The following PTPRK variants were observed in gnomAD, a reference collection of about 807,000 sequenced individuals.
The protein encoded by PTPRK is receptor-type tyrosine-protein phosphatase kappa.
A neutral mutation model predicts 178.0 loss-of-function variants in PTPRK; 75 were observed. The ratio of observed to expected loss-of-function variants is 0.42; its 90% CI spans 0.35 to 0.51. The LOEUF (loss-of-function observed/expected upper bound fraction) is 0.51, where lower values mean the gene tolerates loss of function less well. Ranked by LOEUF, PTPRK falls within the 20% of genes least tolerant of loss-of-function variation. PTPRK has a pLI of 0.02. For synonymous variants in PTPRK, 637 were observed against 620.6 expected, an observed-to-expected ratio of 1.03 and a Z score of -0.39; for missense variants, 1,441 against 1,797.8, an observed-to-expected ratio of 0.80 and a Z score of 3.59.
intron 2 of PTPRK, among the ~76,000 whole-genome samples, chr6:128,371,715 C>A (rs1836314330): frequency 2.0e-5 from 3 of 152,058 alleles, no homozygotes; most frequent in Non-Finnish European, 4.4e-5. Context: ...CTCAAGAAAG[C>A]AAGGCCAAAT....
chr6:127,983,024 T>C (rs773657099), intron 23 of PTPRK, 44 bp from the exon 24 acceptor site: 2 of 1,555,508 alleles, frequency 1.3e-6, no homozygotes, highest in Non-Finnish European at 1.8e-6. Flanking sequence ...AGTTTTAGTA[T>C]CACTTTTCTG....
In PTPRK at chr6:128,520,593, T is replaced by C. The variant is rs1262113027; in HGVS notation, c.-235A>G. 5.8e-6 allele frequency: 3 copies of C among 513,850 alleles called. No homozygotes were observed. The highest frequency in any genetic ancestry group is 1.1e-5 in the Non-Finnish European group (3 of 284,832). 31.8% of individuals were successfully genotyped at this position (513,850 alleles called of 1,614,324 possible). ...CTCCATGCTCGGCGGAGGCTGCTCC[T>C]GTTAGTCAAGAGTTACTTTGCTCGG... On this transcript the variant is annotated 5_prime_UTR_variant, in exon 1 of 30. Transcript: ENST00000368226.
At chr6:128,298,651 C>T (rs375522036) in intron 3 of PTPRK, among the ~76,000 whole-genome samples, 2 of 151,982 alleles carry the variant, frequency 1.3e-5, no homozygotes, top group East Asian at 1.9e-4. Flanking sequence ...CAGAAAAGGC[C>T]GTTGACAAAA....
chr6:128,113,156 C>A (rs1162690626), intron 7 of PTPRK, among the ~76,000 whole-genome samples: 1 of 151,956 alleles, frequency 6.6e-6, no homozygotes. Flanking sequence ...CCCTTTGTTT[C>A]TAATTACACC....
At chr6:128,321,861 T>C (rs111267082) in intron 3 of PTPRK, 178 bp downstream of exon 3, 16 of 823,352 alleles carry the variant, frequency 1.9e-5, no homozygotes, top group African/African-American at 1.7e-4. Flanking sequence ...AGGGGCAATC[T>C]CTCATTACCA....
intron 5 of PTPRK, among the ~76,000 whole-genome samples, chr6:128,220,812 T>C (rs143703759): frequency 1.2e-4 from 18 of 152,254 alleles, no homozygotes; most frequent in African/African-American, 4.3e-4. Flanking sequence ...GATGGGACAG[T>C]TAAACTAGGC....
intron 1 of PTPRK, among the ~76,000 whole-genome samples, chr6:128,472,980 T>C (rs1850897975): frequency 6.6e-6 from 1 of 152,104 alleles, no homozygotes; most frequent in East Asian, 1.9e-4. Flanking sequence ...GTATTTCTTC[T>C]TTTATTTTAA....
intron 8 of PTPRK, among the ~76,000 whole-genome samples, chr6:128,085,517 A>C (rs1785619014): frequency 6.6e-6 from 1 of 152,232 alleles, no homozygotes. Context: ...ATAAATGTTG[A>C]TTTGATGGCA....
chr6:128,012,314 T>G (rs1779145220), intron 13 of PTPRK, among the ~76,000 whole-genome samples: 1 of 151,308 alleles, frequency 6.6e-6, no homozygotes, highest in Admixed American at 6.6e-5. Flanking sequence ...ATATCCTATT[T>G]AAAATCATTC....
intron 7 of PTPRK, among the ~76,000 whole-genome samples, chr6:128,099,161 G>A (rs1159041018): frequency 2.7e-5 from 4 of 149,492 alleles, no homozygotes; most frequent in African/African-American, 9.8e-5. Context: ...GACTGAATAG[G>A]ACAGAAAATA....
chr6:128,171,879 A>AATATGTTTCT (rs1245967097), intron 7 of PTPRK, among the ~76,000 whole-genome samples: 1 of 151,940 alleles, frequency 6.6e-6, no homozygotes, highest in East Asian at 1.9e-4. Flanking sequence ...TTCAGTCAAA[A>AATATGTTTCT]ATATGTTTCT....
At chr6:128,011,568 T>C (rs966491221) in intron 13 of PTPRK, among the ~76,000 whole-genome samples, 4 of 151,136 alleles carry the variant, frequency 2.6e-5, no homozygotes, top group Non-Finnish European at 4.5e-5. Flanking sequence ...AAATATAATA[T>C]ATATAATGTA....
At chr6:128,125,234 T>A (rs1034732082) in intron 7 of PTPRK, among the ~76,000 whole-genome samples, 4 of 152,220 alleles carry the variant, frequency 2.6e-5, no homozygotes, top group Non-Finnish European at 5.9e-5. Flanking sequence ...ATCCCCAATG[T>A]AGGAGGTGGG....
intron 13 of PTPRK, among the ~76,000 whole-genome samples, chr6:128,028,571 T>G (rs1774725948): frequency 6.6e-6 from 1 of 152,232 alleles, no homozygotes; most frequent in Non-Finnish European, 1.5e-5. Flanking sequence ...GGATATGGTC[T>G]CTGGTTTTTC....
intron 3 of PTPRK, among the ~76,000 whole-genome samples, chr6:128,309,681 G>C (rs890793873): frequency 6.6e-6 from 1 of 152,124 alleles, no homozygotes; most frequent in African/African-American, 2.4e-5. Flanking sequence ...ATTAAAAAAT[G>C]TTGTGTGGCC....
At chr6:128,103,915 A>G (rs1789225528) in intron 7 of PTPRK, among the ~76,000 whole-genome samples, 2 of 152,070 alleles carry the variant, frequency 1.3e-5, no homozygotes, top group South Asian at 4.1e-4. Flanking sequence ...GGTCCTGCAG[A>G]TGGTGTCTCC....
At chr6:128,213,397 G>A (rs1314914233) in intron 6 of PTPRK, among the ~76,000 whole-genome samples, 1 of 151,930 alleles carries the variant, frequency 6.6e-6, no homozygotes, top group Non-Finnish European at 1.5e-5. Flanking sequence ...CTGGCTGCAT[G>A]GGCTTTTTTA....
At chr6:128,129,441 A>G (rs1211693948) in intron 7 of PTPRK, among the ~76,000 whole-genome samples, 1 of 152,100 alleles carries the variant, frequency 6.6e-6, no homozygotes, top group Non-Finnish European at 1.5e-5. Flanking sequence ...ATTAGCTTTG[A>G]TCACCAGGAA....
At chr6:128,107,204 A>G (rs1254019455) in intron 7 of PTPRK, among the ~76,000 whole-genome samples, 2 of 151,998 alleles carry the variant, frequency 1.3e-5, no homozygotes, top group Non-Finnish European at 1.5e-5. Context: ...TATATAATAT[A>G]TAAGTATATA....
Sources: gnomAD v4.1 joint callset for allele counts (sites outside exome capture counted in the v4.1 genomes callset) on GRCh38, gnomAD v4.1.1 for gene constraint, MANE v1.5 for transcripts, NCBI Gene and HGNC (gene_info 2026-07-23, HGNC 2026-07-21) for gene names.